Variants in ZNF292 observed in about 807,000 individuals in gnomAD.
ZNF292 encodes 16 zinc-finger domain protein.
A neutral mutation model predicts 217.9 loss-of-function variants in ZNF292; 26 were observed. The observed-to-expected ratio is 0.12, with a 90% confidence interval of 0.09 to 0.17. ZNF292 has a LOEUF of 0.17. ZNF292 is among the 10% of genes least tolerant of loss of function. ZNF292 has a pLI of 1.00. For synonymous variants in ZNF292, 1,257 were observed against 1,124.1 expected (o/e 1.12, Z -2.37); for missense variants, 2,904 against 3,175.2 (o/e 0.91, Z 2.05).
chr6:87,193,212 C>T (rs549151875), intron 1 of ZNF292, among the ~76,000 whole-genome samples: 4 of 152,084 alleles, frequency 2.6e-5, no homozygotes, highest in African/African-American at 4.8e-5. Flanking sequence ...TTTTGAACAC[C>T]GACATTATGC....
chr6:87,232,414 T>G (rs2127823253), intron 4 of ZNF292, among the ~76,000 whole-genome samples: 1 of 152,278 alleles, frequency 6.6e-6, no homozygotes, highest in African/African-American at 2.4e-5. Context: ...TGTGTTTTAT[T>G]CATGGAGCAT....
intron 1 of ZNF292, among the ~76,000 whole-genome samples, chr6:87,202,273 G>C (rs916718453): frequency 2.0e-5 from 3 of 151,654 alleles, no homozygotes; most frequent in Admixed American, 2.0e-4. Flanking sequence ...TAAATACTTT[G>C]TTAGATTCAT....
chr6:87,247,968 CAG>C (rs1774689730), intron 7 of ZNF292, among the ~76,000 whole-genome samples: 1 of 152,098 alleles, frequency 6.6e-6, no homozygotes, highest in African/African-American at 2.4e-5. Context: ...AGTTAATGAA[CAG>C]AGGTTGTATA....
At chr6:87,195,224 G>GT (rs1771920684) in intron 1 of ZNF292, among the ~76,000 whole-genome samples, 1 of 152,176 alleles carries the variant, frequency 6.6e-6, no homozygotes, top group African/African-American at 2.4e-5. Context: ...GCAAAAGATA[G>GT]TAAAAGGAGG....
chr6:87,189,069 G>C (rs182017341), intron 1 of ZNF292, among the ~76,000 whole-genome samples: 4 of 151,952 alleles, frequency 2.6e-5, no homozygotes, highest in African/African-American at 9.7e-5. Flanking sequence ...GCTGGATAAG[G>C]TGGCGAGCGC....
At chr6:87,199,275 T>C (rs1368615577) in intron 1 of ZNF292, among the ~76,000 whole-genome samples, 1 of 152,252 alleles carries the variant, frequency 6.6e-6, no homozygotes, top group Non-Finnish European at 1.5e-5. Context: ...ATGTGCATTT[T>C]CAGCCATTTA....
chr6:87,218,526 ATT>A, intron 3 of ZNF292, 68 bp from the exon 4 acceptor site: 1 of 1,332,840 alleles, frequency 7.5e-7, no homozygotes, highest in Non-Finnish European at 1.0e-6. Flanking sequence ...TTAGTGTTAT[ATT>A]TAAAGCCTGA....
chr6:87,215,553 A>G (rs896242663), intron 1 of ZNF292, among the ~76,000 whole-genome samples: 2 of 152,172 alleles, frequency 1.3e-5, no homozygotes, highest in East Asian at 1.9e-4. Context: ...TATTATTTCA[A>G]ATTCTTCACT....
intron 1 of ZNF292, among the ~76,000 whole-genome samples, chr6:87,168,777 G>A (rs1220468080): frequency 6.6e-6 from 1 of 151,888 alleles, no homozygotes; most frequent in East Asian, 1.9e-4. Flanking sequence ...GCCAATAACA[G>A]GTTTTATATT....
rs1775145384 is a variant in ZNF292 at position 87,255,222 on chromosome 6, T to C, written c.1593T>C (p.Ser531=). The part of the protein sequence containing the change: ...IKQLRERGFI[S]ARFRNWQAYM... The stretch of plus-strand genomic sequence containing the variant: ...AGTTAAGAGAGAGGGGATTTATATC[T>C]GCTCGGTTTAGGAATTGGCAAGCCT... The change falls in exon 8 of 8, where the codon TCT becomes TCC. Residue 531 remains serine (S), a synonymous_variant. Coordinates refer to ENST00000369577, the MANE Select transcript of ZNF292 (RefSeq NM_015021.3). The C allele has an allele frequency of 1.2e-6, 2 of 1,613,912 alleles. No individual in the cohort carries two copies. The highest frequency in any genetic ancestry group is 1.7e-5 in the Admixed American group (1 of 59,988).
chr6:87,223,810 C>T (rs767377902), intron 4 of ZNF292: 3 of 152,186 alleles, frequency 2.0e-5, no homozygotes, highest in Non-Finnish European at 4.4e-5. Flanking sequence ...GTAATATGCT[C>T]CAGGCTCATC....
chr6:87,165,073 CTT>C (rs1222718577), intron 1 of ZNF292, among the ~76,000 whole-genome samples: 4 of 152,014 alleles, frequency 2.6e-5, no homozygotes, highest in Non-Finnish European at 5.9e-5. Flanking sequence ...AGAATGACCT[CTT>C]TATTTACTAT....
At chr6:87,222,923 A>G in intron 4 of ZNF292, 1 of 425,174 alleles carries the variant, frequency 2.4e-6, no homozygotes, top group South Asian at 1.7e-5. Context: ...CTCAATTGAG[A>G]TTTGTCTGAT....
chr6:87,236,323 G>C (rs1194868987), intron 5 of ZNF292, among the ~76,000 whole-genome samples: 1 of 152,112 alleles, frequency 6.6e-6, no homozygotes, highest in Non-Finnish European at 1.5e-5. Flanking sequence ...TGAGGCAAGG[G>C]ATTGACTGTT....
chr6:87,260,582 C>T lies in ZNF292; in HGVS notation c.6953C>T (p.Thr2318Ile), dbSNP rs766306694. Reference sequence around the variant, plus strand: ...AAATCAAAGTCTAAACATCGGGGGACCAAGCACAGCAGATGTGGAAAGGAA... The same window carrying T: ...AAATCAAAGTCTAAACATCGGGGGATCAAGCACAGCAGATGTGGAAAGGAA... ...QEKSKSKHRG[T>I]KHSRCGKEGI... The change falls in exon 8 of 8, where the codon ACC (threonine) becomes ATC (isoleucine). Residue 2318 changes from threonine to isoleucine, a missense_variant. Thr to Ile is a moderately conservative substitution (Grantham distance 89). This residue lies in a region of ZNF292 where 101 missense variants were observed against 89.5 expected (regional missense o/e 1.13). Transcript: ENST00000369577. The T allele has an allele frequency of 1.9e-5, 30 of 1,612,252 alleles. No homozygotes were observed. The highest frequency in any genetic ancestry group is 1.7e-4 in the African/African-American group (13 of 74,580).
rs1490259878 is a variant in ZNF292, at chr6:87,263,505, TTTC to T, written c.*1707_*1709del. 1 of 151,976 alleles carries T rather than the reference TTTC, an allele frequency of 6.6e-6. No homozygotes were observed. The highest frequency in any genetic ancestry group is 1.9e-4 in the East Asian group (1 of 5,198). 9.4% of individuals were successfully genotyped at this position (151,976 alleles called of 1,614,324 possible). ...GGAGTGAACTATTTTCTTTTGGAAATTTCTTTTTAATTTTTATTATTAAAGTAT... is the reference window on the plus strand; with the variant it reads ...GGAGTGAACTATTTTCTTTTGGAAATTTTTTAATTTTTATTATTAAAGTAT... On this transcript the variant is annotated 3_prime_UTR_variant, in exon 8 of 8. Coordinates refer to ENST00000369577, the MANE Select transcript of ZNF292 (RefSeq NM_015021.3).
intron 4 of ZNF292, among the ~76,000 whole-genome samples, chr6:87,227,890 G>C (rs1164750708): frequency 6.6e-6 from 1 of 152,138 alleles, no homozygotes; most frequent in African/African-American, 2.4e-5. Flanking sequence ...ATTGTGAGTA[G>C]TGCTACTATA....
At chr6:87,205,437 G>C (rs1772222052) in intron 1 of ZNF292, among the ~76,000 whole-genome samples, 2 of 151,846 alleles carry the variant, frequency 1.3e-5, no homozygotes, top group South Asian at 4.2e-4. Flanking sequence ...CCTGGATTTA[G>C]TTTCTTAATA....
Position 87,155,681 on chromosome 6 carries a change from G to C in ZNF292, c.90G>C (p.Gln30His). 1.3e-6 allele frequency: 2 copies of C among 1,589,386 alleles called. No homozygotes were observed. Among genetic ancestry groups the C allele is most frequent in the Non-Finnish European group, 1.7e-6 (2 of 1,169,848 alleles). Residue 30 changes from glutamine to histidine, a missense_variant, in exon 1 of 8, where the codon CAG becomes CAC. By Grantham distance (24) the Gln-to-His change is conservative. Around this residue, in one of 15 missense-constraint regions of ZNF292, gnomAD observed 66 missense variants for 44.1 expected, o/e 1.50. Transcript: ENST00000369577. Reference sequence around the variant, plus strand: ...TGCAGCGCCTGGGCGAGCGGCTCCAGGAGCTGGAGCTACAGCTGCGGGAGA... The same window carrying C: ...TGCAGCGCCTGGGCGAGCGGCTCCACGAGCTGGAGCTACAGCTGCGGGAGA... The part of the protein sequence containing the change: ...AELQRLGERL[Q>H]ELELQLRESR...
Sources: gnomAD v4.1 joint callset for allele counts (sites outside exome capture counted in the v4.1 genomes callset) on GRCh38, gnomAD v4.1.1 for gene constraint, gnomAD v4.1.1 regional missense constraint, MANE v1.5 for transcripts, NCBI Gene and HGNC (gene_info 2026-07-23, HGNC 2026-07-21) for gene names.